Variants in HHIP observed in about 807,000 individuals in gnomAD.
The protein encoded by HHIP is hedgehog-interacting protein.
A neutral mutation model predicts 74.0 loss-of-function variants in HHIP; 12 were observed. The ratio of observed to expected loss-of-function variants is 0.16; its 90% confidence interval spans 0.10 to 0.26. The LOEUF is 0.26. Among genes scored for constraint, HHIP ranks in the 10% least tolerant of loss-of-function variants. The pLI is 1.00. For synonymous variants in HHIP, 309 were observed against 311.6 expected, an observed-to-expected ratio of 0.99 and a Z score of 0.09; for missense variants, 788 against 845.0, an observed-to-expected ratio of 0.93 and a Z score of 0.84.
intron 6 of HHIP, among the ~76,000 whole-genome samples, chr4:144,707,944 A>G (rs1367565597): frequency 6.6e-6 from 1 of 152,006 alleles, no homozygotes; most frequent in Admixed American, 6.6e-5. Context: ...GAGTCTCGCT[A>G]TGTTGCCAGG....
At chr4:144,703,520 T>C (rs1252046896) in intron 4 of HHIP, among the ~76,000 whole-genome samples, 2 of 152,152 alleles carry the variant, frequency 1.3e-5, no homozygotes, top group Admixed American at 1.3e-4. Flanking sequence ...GTTAGTAACA[T>C]TGGCACCAGG....
chr4:144,740,333 G>A lies in HHIP; in HGVS notation c.*2376G>A, dbSNP rs1173502904. On this transcript the variant is annotated 3_prime_UTR_variant, in exon 13 of 13. Transcript: ENST00000296575. ...TGACCAGGCCCAGATTTTTTATACA[G>A]CTTTTTCCCAAGTGAAAGATTTTCA... 1.3e-5 allele frequency: 2 copies of A among 152,082 alleles called. No homozygotes were observed. The highest frequency in any genetic ancestry group is 2.9e-5 in the Non-Finnish European group (2 of 68,026). The allele number at this position is 152,082 out of a possible 1,614,324, so 9.4% of individuals were successfully genotyped here. A position where few individuals can be genotyped will look rare whatever the true frequency, so the allele number is the denominator to read the frequency against.
In HHIP at chr4:144,679,782, A is replaced by T. The variant is rs190256368; in HGVS notation, c.831+19944A>T. On this transcript the variant is annotated intron_variant, in intron 4 of 12. Transcript: ENST00000296575. ...ACTAACATGATGTAGACTACTTAAA[A>T]TGTAATATTTTCAGTATTTCTTTAT... Among the ~76,000 whole-genome samples, 8 of 152,320 alleles carry T rather than the reference A, an allele frequency of 5.3e-5. No individual in the cohort carries two copies. In the East Asian group the frequency reaches 1.4e-3, roughly 26 times the overall value.
Position 144,714,280 on chromosome 4 carries a change from T to C in HHIP, c.1479T>C (p.Gly493=), listed in dbSNP as rs762884684. The C allele has an allele frequency of 6.2e-7, 1 of 1,613,454 alleles. No homozygotes were observed. ...FKPFSNGPLV[G]GFVYRGCQSE... The stretch of plus-strand genomic sequence containing the variant: ...CATTCAGTAATGGTCCTTTGGTTGG[T>C]GGATTTGTATACCGGGGCTGCCAGT... The change falls in exon 9 of 13, where the codon GGT becomes GGC. Residue 493 remains glycine, a synonymous_variant. Coordinates refer to ENST00000296575, the MANE Select transcript of HHIP (RefSeq NM_022475.3).
intron 4 of HHIP, among the ~76,000 whole-genome samples, chr4:144,681,076 C>G (rs1729324172): frequency 6.6e-6 from 1 of 152,040 alleles, no homozygotes; most frequent in African/African-American, 2.4e-5. Context: ...AATGTGAAAA[C>G]AGCTTATTCT....
chr4:144,655,270 T>C (rs1027954077), intron 2 of HHIP, among the ~76,000 whole-genome samples: 1 of 152,158 alleles, frequency 6.6e-6, no homozygotes, highest in Non-Finnish European at 1.5e-5. Flanking sequence ...CTTAGGGAAG[T>C]AAATTCTCAA....
At chr4:144,701,279 C>T (rs933901416) in intron 4 of HHIP, among the ~76,000 whole-genome samples, 9 of 151,188 alleles carry the variant, frequency 6.0e-5, no homozygotes, top group African/African-American at 1.9e-4. Flanking sequence ...AGAAACTCCG[C>T]TTACTTCTTC....
rs1042383250 is a variant in HHIP, at chr4:144,742,761, C to T, written c.*4804C>T. On this transcript the variant is annotated 3_prime_UTR_variant, in exon 13 of 13. Coordinates refer to ENST00000296575, the MANE Select transcript of HHIP (RefSeq NM_022475.3). ...CTAAAAATAAATATATATTTGCTAT[C>T]TTATCCTCTTTTTGTCACACAAACA... 1 of 148,018 alleles carries T rather than the reference C, an allele frequency of 6.8e-6. No homozygotes were observed. Among genetic ancestry groups the T allele is most frequent in the African/African-American group, 2.5e-5 (1 of 40,420 alleles). The allele number at this position is 148,018 out of a possible 1,614,324, so 9.2% of individuals were successfully genotyped here.
At chr4:144,725,860 G>GCAATAATCGCATCAT (rs1730789146) in intron 11 of HHIP, among the ~76,000 whole-genome samples, 2 of 151,972 alleles carry the variant, frequency 1.3e-5, no homozygotes, top group Non-Finnish European at 2.9e-5. Flanking sequence ...TGTAGAGACG[G>GCAATAATCGCATCAT]GGGTTTCACC....
intron 7 of HHIP, 38 bp from the exon 8 acceptor site, chr4:144,711,912 A>C: frequency 6.3e-7 from 1 of 1,590,198 alleles, no homozygotes; most frequent in Non-Finnish European, 8.6e-7. Context: ...GGAAAAGATC[A>C]CGGTAGGAAT....
At chr4:144,679,213 C>G (rs1258253309) in intron 4 of HHIP, among the ~76,000 whole-genome samples, 1 of 152,070 alleles carries the variant, frequency 6.6e-6, no homozygotes, top group Non-Finnish European at 1.5e-5. Context: ...CATTTGCCCA[C>G]TTTTTGATGG....
chr4:144,684,099 G>A (rs1382486134), intron 4 of HHIP, among the ~76,000 whole-genome samples: 3 of 150,598 alleles, frequency 2.0e-5, no homozygotes, highest in Non-Finnish European at 4.4e-5. Flanking sequence ...TAGGCCAGTC[G>A]CAGTGACTCA....
At chr4:144,651,904 T>C (rs1425606090) in intron 1 of HHIP, among the ~76,000 whole-genome samples, 2 of 152,088 alleles carry the variant, frequency 1.3e-5, no homozygotes, top group Non-Finnish European at 2.9e-5. Context: ...AGCACTTCGT[T>C]AAACTCTTGT....
chr4:144,670,773 A>G (rs1729018266), intron 4 of HHIP, among the ~76,000 whole-genome samples: 1 of 148,940 alleles, frequency 6.7e-6, no homozygotes, highest in Non-Finnish European at 1.5e-5. Context: ...TGAAAAAAAA[A>G]AAAAAAAAAA....
chr4:144,705,545 A>T (rs1403647903), intron 4 of HHIP, among the ~76,000 whole-genome samples: 3 of 152,224 alleles, frequency 2.0e-5, no homozygotes, highest in African/African-American at 7.2e-5. Context: ...CTTTACTAGT[A>T]TGTGAACTTT....
At chr4:144,684,232 A>ATTTTTTTTTTTTTTTTTT (rs1174297815) in intron 4 of HHIP, among the ~76,000 whole-genome samples, 1 of 63,008 alleles carries the variant, frequency 1.6e-5, no homozygotes, top group Non-Finnish European at 3.1e-5. Context: ...AAAAAAAAGA[A>ATTTTTTTTTTTTTTTTTT]TTTTTTTTTT....
chr4:144,686,337 CTT>C (rs1179628303), intron 4 of HHIP, among the ~76,000 whole-genome samples: 2 of 151,910 alleles, frequency 1.3e-5, no homozygotes, highest in Non-Finnish European at 2.9e-5. Flanking sequence ...GAGAAGCAGT[CTT>C]TGGGGAAAAT....
At chr4:144,663,856 G>C (rs1469412069) in intron 4 of HHIP, among the ~76,000 whole-genome samples, 3 of 152,100 alleles carry the variant, frequency 2.0e-5, no homozygotes, top group Non-Finnish European at 2.9e-5. Flanking sequence ...AAGCAACAAG[G>C]CCACCAGAAG....
At chr4:144,648,470 G>A (rs1304789818) in intron 1 of HHIP, 1 of 152,204 alleles carries the variant, frequency 6.6e-6, no homozygotes, top group Non-Finnish European at 1.5e-5. Flanking sequence ...TGCAGCAGGA[G>A]CCTGAGATTC....
Sources: gnomAD v4.1 joint callset for allele counts (sites outside exome capture counted in the v4.1 genomes callset) on GRCh38, gnomAD v4.1.1 for gene constraint, MANE v1.5 for transcripts, NCBI Gene and HGNC (gene_info 2026-07-23, HGNC 2026-07-21) for gene names.